LTF: variants seen among roughly 807,000 people sequenced by gnomAD.
The protein encoded by LTF is lactotransferrin.
A neutral mutation model predicts 87.2 loss-of-function variants in LTF; 91 were observed. That is an observed-to-expected ratio of 1.04 (90% CI 0.88 to 1.24). LTF has a LOEUF of 1.24. Ranked by LOEUF, LTF falls within the 50% of genes most tolerant of loss-of-function variation. The probability of loss-of-function intolerance (pLI) is 0.00; values close to 1 mark genes in which losing one functional copy is unlikely to be tolerated. For synonymous variants in LTF, 378 were observed against 356.1 expected, an observed-to-expected ratio of 1.06 and a Z score of -0.69; for missense variants, 901 against 904.3, an observed-to-expected ratio of 1.00 and a Z score of 0.05.
chr3:46,448,844 C>T lies in LTF; in HGVS notation c.1212+19G>A. 2 of 1,610,976 alleles carry T rather than the reference C, an allele frequency of 1.2e-6. No individual in the cohort carries two copies. The highest frequency in any genetic ancestry group is 1.7e-6 in the Non-Finnish European group (2 of 1,179,100). On this transcript the variant is annotated intron_variant, in intron 9 of 16. Coordinates refer to ENST00000231751, the MANE Select transcript of LTF (RefSeq NM_002343.6). ...CTTCCACCGGGCCCACCGCCCGCCC[C>T]TGTGATGGAGCTCCCTACCAGCACC... is the stretch of plus-strand genomic sequence containing the variant.
At position 46,437,922 on chromosome 3, in the gene LTF, T is replaced by C. The variant is rs192390334; in HGVS notation, c.2098+18A>G. ...ACCCATGGTGGTTTCTCGGGGATGC[T>C]AGCTAGGGTCTACTTACGGGAGGTT... On this transcript the variant is annotated intron_variant, in intron 16 of 16. Transcript: ENST00000231751. The C allele has an allele frequency of 3.3e-5, 53 of 1,608,598 alleles. No homozygotes were observed. The Admixed American group carries it at 8.4e-4, about 25-fold the overall frequency.
At chr3:46,456,055 C>G (rs1194042702) in intron 3 of LTF, 77 bp from the exon 4 acceptor site, 2 of 1,330,064 alleles carry the variant, frequency 1.5e-6, no homozygotes, top group African/African-American at 2.9e-5. Context: ...GAAAAGTCTC[C>G]GGTGGGAAGG....
chr3:46,484,607 C>T (rs1475353082), intron 1 of LTF, among the ~76,000 whole-genome samples: 1 of 152,188 alleles, frequency 6.6e-6, no homozygotes, highest in Admixed American at 6.5e-5. Flanking sequence ...TCCTCCCATG[C>T]TGGAACTGAG....
At chr3:46,484,199 T>C (rs1703487609) in intron 1 of LTF, among the ~76,000 whole-genome samples, 2 of 152,108 alleles carry the variant, frequency 1.3e-5, no homozygotes. Flanking sequence ...AAATGGACAA[T>C]AGTCATGATT....
chr3:46,460,821 G>A (rs1703061306), intron 1 of LTF, among the ~76,000 whole-genome samples: 1 of 152,100 alleles, frequency 6.6e-6, no homozygotes, highest in African/African-American at 2.4e-5. Flanking sequence ...AAATACTGAA[G>A]AATCTACAAA....
Position 46,441,396 on chromosome 3 carries a change from A to G in LTF, c.1723+20T>C. 1 of 1,601,602 alleles carries G rather than the reference A, an allele frequency of 6.2e-7. No individual in the cohort carries two copies. The highest frequency in any genetic ancestry group is 1.3e-5 in the African/African-American group (1 of 74,606). ...CCAAAGACTCTGCTTTGAAGGAGAA[A>G]AGGAAACACCTTCACCTACCATCAG... On this transcript the variant is annotated intron_variant, in intron 14 of 16. Coordinates refer to ENST00000231751, the MANE Select transcript of LTF (RefSeq NM_002343.6).
intron 1 of LTF, among the ~76,000 whole-genome samples, chr3:46,462,510 T>C (rs937967459): frequency 3.9e-5 from 6 of 152,090 alleles, no homozygotes; most frequent in Non-Finnish European, 5.9e-5. Flanking sequence ...GGCACTAAAC[T>C]CCCCTACTCT....
intron 1 of LTF, among the ~76,000 whole-genome samples, chr3:46,478,645 T>C (rs574721170): frequency 6.6e-6 from 1 of 152,220 alleles, no homozygotes; most frequent in Non-Finnish European, 1.5e-5. Flanking sequence ...GGGCAGAAGA[T>C]GACTGGCAGA....
At chr3:46,454,236 C>T in intron 6 of LTF, 69 bp downstream of exon 6, 4 of 1,393,652 alleles carry the variant, frequency 2.9e-6, no homozygotes, top group Non-Finnish European at 4.1e-6. Context: ...CTAATTAGCT[C>T]AAAGGTCAGA....
chr3:46,464,177 A>T (rs1348824500), intron 1 of LTF, among the ~76,000 whole-genome samples: 1 of 152,112 alleles, frequency 6.6e-6, no homozygotes, highest in Admixed American at 6.5e-5. Flanking sequence ...CACCCGAGAA[A>T]TTACTTTGGT....
In LTF at chr3:46,439,343, G is replaced by C. The variant is rs759996198; in HGVS notation, c.1861C>G (p.Arg621Gly). The change falls in exon 15 of 17, where the codon CGG becomes GGG. Residue 621 changes from arginine to glycine, a missense_variant. By Grantham distance (125) the Arg-to-Gly change is moderately radical (BLOSUM62 -2). Transcript: ENST00000231751. ...TTCAGGCGTTCCACCTTATCCATCCGAGACACCACGGCATGATTCGGGGCC... is the reference window on the plus strand; with the variant it reads ...TTCAGGCGTTCCACCTTATCCATCCCAGACACCACGGCATGATTCGGGGCC... ...AMAPNHAVVS[R>G]MDKVERLKQV... 1 of 1,614,030 alleles carries C rather than the reference G, an allele frequency of 6.2e-7. No individual in the cohort carries two copies. The highest frequency in any genetic ancestry group is 1.3e-5 in the African/African-American group (1 of 74,932).
intron 2 of LTF, among the ~76,000 whole-genome samples, chr3:46,457,044 A>G (rs537862115): frequency 6.6e-6 from 1 of 152,060 alleles, no homozygotes; most frequent in South Asian, 2.1e-4. Context: ...TAGGGTTCAC[A>G]CTCCTATGAG....
At chr3:46,466,823 G>A (rs546570958), upstream of LTF, among the ~76,000 whole-genome samples, 2 of 152,278 alleles carry the variant, frequency 1.3e-5, no homozygotes, top group South Asian at 2.1e-4. Flanking sequence ...ACCTAAATTG[G>A]CAACAAGACT....
In LTF at chr3:46,445,569, C is replaced by T. The variant is rs1174933237; in HGVS notation, c.1358-133G>A. 8.5e-6 allele frequency: 6 copies of T among 706,446 alleles called. No individual in the cohort carries two copies. In the Admixed American group the frequency reaches 1.7e-4, roughly 20 times the overall value. 43.8% of individuals were successfully genotyped at this position (706,446 alleles called of 1,614,324 possible). A position where few individuals can be genotyped will look rare whatever the true frequency, so the allele number is the denominator to read the frequency against. On this transcript the variant is annotated intron_variant, in intron 11 of 16. Transcript: ENST00000231751. ...ACCAGGCAATGATTCCCTCAAAGAA[C>T]TGGCCTTTTTAGGTAGACCGAGAAA...
rs754476078 is a variant in LTF at position 46,445,353 on chromosome 3, C to A, written c.1441G>T (p.Ala481Ser). Residue 481 changes from alanine (A) to serine (S), a missense_variant, in exon 12 of 17, where the codon GCC (alanine) becomes TCC (serine). Coordinates refer to ENST00000231751, the MANE Select transcript of LTF (RefSeq NM_002343.6). ...SVKGKKSCHT[A>S]VDRTAGWNIP... ...TTCCAGCCTGCAGTCCTGTCCACGG[C>A]GGTGTGGCAGGACTTCTTGCCTTTC... 57 of 1,613,630 alleles carry A rather than the reference C, an allele frequency of 3.5e-5. 1 individual carries two copies. The South Asian group carries it at 6.0e-4, about 17-fold the overall frequency.
At chr3:46,436,366 C>T (rs1702386590) in intron 16 of LTF, 137 bp from the exon 17 acceptor site, 2 of 768,322 alleles carry the variant, frequency 2.6e-6, no homozygotes, top group Non-Finnish European at 4.5e-6. Flanking sequence ...TTGCCACACT[C>T]ATATTCCCAC....
At position 46,438,137 on chromosome 3, in the gene LTF, A is replaced by G; in HGVS notation, c.1909-8T>C. ...ATTTCTCCCAAATTTAGCCTGCGACAAAAGGGCAGACAGTGAGTAGCTAAG... is the reference window on the plus strand; with the variant it reads ...ATTTCTCCCAAATTTAGCCTGCGACGAAAGGGCAGACAGTGAGTAGCTAAG... On this transcript the variant is annotated splice_polypyrimidine_tract_variant and splice_region_variant and intron_variant, in intron 15 of 16. Transcript: ENST00000231751. The G allele has an allele frequency of 6.2e-7, 1 of 1,611,910 alleles. No homozygotes were observed. The highest frequency in any genetic ancestry group is 8.5e-7 in the Non-Finnish European group (1 of 1,178,594).
intron 1 of LTF, among the ~76,000 whole-genome samples, chr3:46,461,385 T>C (rs1278770113): frequency 3.9e-5 from 6 of 152,214 alleles, no homozygotes. Flanking sequence ...TTTAGAATAG[T>C]AGAAAACTGG....
rs534130209 is a variant in LTF at position 46,438,249 on chromosome 3, G to C, written c.1909-120C>G. 2,385 of 828,028 alleles carry C rather than the reference G, an allele frequency of 2.9e-3. 44 individuals carry two copies. The highest frequency in any genetic ancestry group is 0.025 in the South Asian group (1,493 of 60,498). The allele number at this position is 828,028 out of a possible 1,614,324, so 51.3% of individuals were successfully genotyped here. ...CTGAGAAAACCATGGGGCAGAAGGAGCTGAGTTCTGGAGTCATTCCACCTC... is the reference window on the plus strand; with the variant it reads ...CTGAGAAAACCATGGGGCAGAAGGACCTGAGTTCTGGAGTCATTCCACCTC... On this transcript the variant is annotated intron_variant, in intron 15 of 16. Transcript: ENST00000231751.
Sources: gnomAD v4.1 joint callset for allele counts (sites outside exome capture counted in the v4.1 genomes callset) on GRCh38, gnomAD v4.1.1 for gene constraint, MANE v1.5 for transcripts, NCBI Gene and HGNC (gene_info 2026-07-23, HGNC 2026-07-21) for gene names.